Variants in DCAF6 observed in about 807,000 individuals in gnomAD.
DCAF6 encodes DDB1 and CUL4 associated factor 6.
DCAF6 carries 54 observed loss-of-function variants against 125.1 expected under a neutral mutation model. The observed-to-expected ratio is 0.43, with a 90% confidence interval of 0.35 to 0.54. The LOEUF (loss-of-function observed/expected upper bound fraction) is 0.54, where lower values mean the gene tolerates loss of function less well. Among genes scored for constraint, DCAF6 ranks in the 20% least tolerant of loss-of-function variants. The pLI, the probability that DCAF6 is intolerant of heterozygous loss-of-function variation, is 0.01. For missense variants in DCAF6, 934 were observed against 1,161.7 expected (o/e 0.80, Z 2.85); for synonymous variants, 371 against 390.4 (o/e 0.95, Z 0.58).
chr1:168,066,300 A>G, intron 19 of DCAF6, 77 bp from the exon 20 acceptor site: 2 of 845,016 alleles, frequency 2.4e-6, no homozygotes, highest in Non-Finnish European at 3.7e-6. Context: ...TGCTATATAT[A>G]CATATATGCA....
At position 168,056,392 on chromosome 1, in the gene DCAF6, C is replaced by T. The variant is rs1320906772; in HGVS notation, c.2300+5459C>T. On this transcript the variant is annotated intron_variant, in intron 17 of 21. Coordinates refer to ENST00000367840, the MANE Select transcript of DCAF6 (RefSeq NM_001198956.2). ...ACCGCGCGCAGGGTGCAGAGCAGGG[C>T]CCGCACGCTCCGCACCACTCGCAGC... 7.8e-6 allele frequency: 11 copies of T among 1,418,492 alleles called. No individual in the cohort carries two copies. The East Asian group carries it at 1.5e-4, about 19-fold the overall frequency. 87.9% of individuals were successfully genotyped at this position (1,418,492 alleles called of 1,614,324 possible). A position where few individuals can be genotyped will look rare whatever the true frequency, so the allele number is the denominator to read the frequency against.
intron 14 of DCAF6, 32 bp from the exon 15 acceptor site, chr1:168,044,553 C>T (rs1346618792): frequency 1.3e-6 from 2 of 1,504,118 alleles, no homozygotes; most frequent in Non-Finnish European, 1.8e-6. Flanking sequence ...TCATGGATAC[C>T]AAGGGATGAC....
chr1:168,017,062 T>C (rs1177294422), intron 11 of DCAF6, among the ~76,000 whole-genome samples: 3 of 151,702 alleles, frequency 2.0e-5, no homozygotes, highest in Non-Finnish European at 2.9e-5. Flanking sequence ...TTGGGATAAA[T>C]CATAAACTTT....
At chr1:168,019,047 CT>C (rs953672046) in intron 11 of DCAF6, among the ~76,000 whole-genome samples, 55 of 146,428 alleles carry the variant, frequency 3.8e-4, no homozygotes, top group Admixed American at 5.5e-4. Context: ...TGTACTCTCT[CT>C]TTTTTTTTTT....
intron 12 of DCAF6, among the ~76,000 whole-genome samples, chr1:168,031,266 G>T (rs972924252): frequency 2.0e-5 from 3 of 152,316 alleles, no homozygotes; most frequent in Admixed American, 1.3e-4. Context: ...GATTTTGCCA[G>T]CGAAGAGCTG....
intron 2 of DCAF6, among the ~76,000 whole-genome samples, chr1:167,954,655 T>C (rs184971366): frequency 6.6e-6 from 1 of 151,862 alleles, no homozygotes; most frequent in Admixed American, 6.6e-5. Flanking sequence ...TGTTTCACTG[T>C]GTTAGCCAGG....
At chr1:167,979,106 C>G (rs1283949576) in intron 4 of DCAF6, among the ~76,000 whole-genome samples, 1 of 152,028 alleles carries the variant, frequency 6.6e-6, no homozygotes, top group East Asian at 1.9e-4. Flanking sequence ...GCATTTAGAT[C>G]TGTAATCTAT....
chr1:168,066,605 A>G (rs1431780937), intron 20 of DCAF6, 140 bp downstream of exon 20: 1 of 561,634 alleles, frequency 1.8e-6, no homozygotes, highest in Non-Finnish European at 3.2e-6. Flanking sequence ...AGAAAAAGAA[A>G]AATTAAGATA....
chr1:167,991,451 T>C (rs1680822299), intron 6 of DCAF6, 112 bp downstream of exon 6: 6 of 1,058,766 alleles, frequency 5.7e-6, no homozygotes, highest in African/African-American at 3.3e-5. Flanking sequence ...GAAAATAGTA[T>C]TTGTTTAATA....
At chr1:168,059,053 T>C (rs1351534367) in intron 17 of DCAF6, among the ~76,000 whole-genome samples, 1 of 152,226 alleles carries the variant, frequency 6.6e-6, no homozygotes, top group Non-Finnish European at 1.5e-5. Flanking sequence ...ATTTTTAATT[T>C]TCACATTAAA....
rs998073981 is a variant in DCAF6, at chr1:167,938,236, A to G, written c.97+1228A>G. Among the ~76,000 whole-genome samples, 4 of 150,488 alleles carry G rather than the reference A, an allele frequency of 2.7e-5. No homozygotes were observed. The East Asian group carries it at 5.8e-4, about 22-fold the overall frequency. On this transcript the variant is annotated intron_variant, in intron 1 of 21. Coordinates refer to ENST00000367840, the MANE Select transcript of DCAF6 (RefSeq NM_001198956.2). ...TTTTTGTTTGCATTCTTACAAGTAC[A>G]TATGTACATGTACAAATGCTGGGGT...
At chr1:167,938,121 A>C (rs910898434) in intron 1 of DCAF6, among the ~76,000 whole-genome samples, 7 of 152,246 alleles carry the variant, frequency 4.6e-5, no homozygotes, top group Non-Finnish European at 1.0e-4. Context: ...AATAAAAATG[A>C]AGCAAAAATC....
chr1:168,015,946 C>T lies in DCAF6; in HGVS notation c.1544C>T (p.Ala515Val). 1 of 1,488,304 alleles carries T rather than the reference C, an allele frequency of 6.7e-7. No homozygotes were observed. The highest frequency in any genetic ancestry group is 9.0e-7 in the Non-Finnish European group (1 of 1,115,772). The allele number at this position is 1,488,304 out of a possible 1,614,324, so 92.2% of individuals were successfully genotyped here. ...SHEGSSQDPH[A>V]SDSPSSVVNK... ...GAGGGCTCTTCACAGGACCCTCATG[C>T]TTCAGGTTATTAATGTCAAGTGTCC... is the stretch of plus-strand genomic sequence containing the variant. Residue 515 changes from alanine (A) to valine (V), a missense_variant, in exon 11 of 22, where the codon GCT becomes GTT. By Grantham distance (64) the Ala-to-Val change is moderately conservative. Coordinates refer to ENST00000367840, the MANE Select transcript of DCAF6 (RefSeq NM_001198956.2).
At chr1:168,041,892 G>GCACACACACACACA in intron 13 of DCAF6, among the ~76,000 whole-genome samples, 1 of 119,852 alleles carries the variant, frequency 8.3e-6, no homozygotes, top group Non-Finnish European at 1.9e-5. Context: ...CATGTTTGTC[G>GCACACACACACACA]CGCACACACA....
chr1:167,907,199 A>G, the DCAF6 span, among the ~76,000 whole-genome samples: 1 of 152,236 alleles, frequency 6.6e-6, no homozygotes, highest in Non-Finnish European at 1.5e-5. Context: ...AATACCATAG[A>G]TGGGCACATT....
the DCAF6 span, chr1:167,904,981 T>C: frequency 6.2e-7 from 1 of 1,614,140 alleles, no homozygotes; most frequent in Non-Finnish European, 8.5e-7. Flanking sequence ...CAAACATCCC[T>C]TTTGCACTTG....
At chr1:167,904,138 A>C in the DCAF6 span, 2 of 546,952 alleles carry the variant, frequency 3.7e-6, no homozygotes, top group South Asian at 4.1e-5. Context: ...CCCAGGCTGG[A>C]GGGCAATGGT....
chr1:167,979,390 G>A (rs1678755872), intron 4 of DCAF6, among the ~76,000 whole-genome samples: 1 of 151,342 alleles, frequency 6.6e-6, no homozygotes, highest in South Asian at 2.1e-4. Flanking sequence ...CCTTATCCTA[G>A]TCCCTGGCAA....
At chr1:167,931,340 T>C (rs112580237), upstream of DCAF6, among the ~76,000 whole-genome samples, 447 of 152,320 alleles carry the variant, frequency 2.9e-3, 1 homozygote, top group African/African-American at 0.01. Context: ...TAATATACAA[T>C]AGGCCCTCAA....
Sources: gnomAD v4.1 joint callset for allele counts (sites outside exome capture counted in the v4.1 genomes callset) on GRCh38, gnomAD v4.1.1 for gene constraint, MANE v1.5 for transcripts, NCBI Gene and HGNC (gene_info 2026-07-23, HGNC 2026-07-21) for gene names.